AFG2A: variants seen among roughly 807,000 people sequenced by gnomAD.
AFG2A encodes ATPase family gene 2 protein homolog A.
chr4:123,190,662 T>G, the AFG2A span, among the ~76,000 whole-genome samples: 1 of 152,246 alleles, frequency 6.6e-6, no homozygotes, highest in East Asian at 1.9e-4. Flanking sequence ...AAGAATTGAC[T>G]AAGACAGAAG....
At chr4:123,169,460 C>T in the AFG2A span, among the ~76,000 whole-genome samples, 3 of 152,192 alleles carry the variant, frequency 2.0e-5, no homozygotes, top group East Asian at 1.9e-4. Context: ...CCTGGCTATG[C>T]GCATTGTTCT....
the AFG2A span, chr4:123,256,141 T>C: frequency 6.2e-7 from 1 of 1,614,110 alleles, no homozygotes; most frequent in Non-Finnish European, 8.5e-7. Context: ...TTGACCTGGA[T>C]GAACTCATCC....
chr4:123,155,497 A>C, the AFG2A span, among the ~76,000 whole-genome samples: 1 of 152,076 alleles, frequency 6.6e-6, no homozygotes, highest in Non-Finnish European at 1.5e-5. Context: ...ATTTTTTAGT[A>C]TATGCAATTG....
chr4:123,178,949 A>C, the AFG2A span, among the ~76,000 whole-genome samples: 1 of 152,184 alleles, frequency 6.6e-6, no homozygotes, highest in Admixed American at 6.5e-5. Flanking sequence ...TAAAAAGGTT[A>C]TTGAAAGGTA....
At chr4:123,204,535 AC>A in the AFG2A span, among the ~76,000 whole-genome samples, 1 of 152,190 alleles carries the variant, frequency 6.6e-6, no homozygotes, top group Non-Finnish European at 1.5e-5. Context: ...TGACTTTTGC[AC>A]ATTTTCCTTT....
At chr4:123,211,442 T>A in the AFG2A span, among the ~76,000 whole-genome samples, 1 of 152,076 alleles carries the variant, frequency 6.6e-6, no homozygotes, top group Admixed American at 6.6e-5. Context: ...GAAATCAGTA[T>A]CGGAGAGCAC....
chr4:122,985,105 T>G, the AFG2A span, among the ~76,000 whole-genome samples: 1 of 151,850 alleles, frequency 6.6e-6, no homozygotes, highest in Non-Finnish European at 1.5e-5. Context: ...GACTTCTTTT[T>G]GTTGGAAAAT....
At chr4:123,216,364 T>C in the AFG2A span, among the ~76,000 whole-genome samples, 1 of 152,166 alleles carries the variant, frequency 6.6e-6, no homozygotes, top group Non-Finnish European at 1.5e-5. Context: ...ATAAATTCTA[T>C]TTTTAAAACT....
the AFG2A span, among the ~76,000 whole-genome samples, chr4:123,174,316 C>T: frequency 1.3e-5 from 2 of 152,138 alleles, no homozygotes; most frequent in South Asian, 2.1e-4. Flanking sequence ...TACTAAAGGA[C>T]GTAAATGAAA....
At chr4:123,003,212 T>A in the AFG2A span, among the ~76,000 whole-genome samples, 1 of 152,162 alleles carries the variant, frequency 6.6e-6, no homozygotes, top group African/African-American at 2.4e-5. Flanking sequence ...TCGTCTAAAG[T>A]TTTTTCAAAG....
the AFG2A span, among the ~76,000 whole-genome samples, chr4:123,016,316 C>T: frequency 6.6e-6 from 1 of 151,530 alleles, no homozygotes; most frequent in Non-Finnish European, 1.5e-5. Flanking sequence ...ACGCCCCTCA[C>T]TTCCTAGACG....
At chr4:123,154,341 A>C in the AFG2A span, among the ~76,000 whole-genome samples, 2 of 152,180 alleles carry the variant, frequency 1.3e-5, no homozygotes, top group African/African-American at 4.8e-5. Flanking sequence ...ATTGCCACAG[A>C]TGACAAGAGA....
the AFG2A span, among the ~76,000 whole-genome samples, chr4:123,012,241 G>A: frequency 7.0e-6 from 1 of 142,008 alleles, no homozygotes; most frequent in East Asian, 2.2e-4. Context: ...GGAGGTGCTT[G>A]CCCCCCAGGA....
chr4:123,229,122 A>G, the AFG2A span, among the ~76,000 whole-genome samples: 1 of 152,006 alleles, frequency 6.6e-6, no homozygotes, highest in African/African-American at 2.4e-5. Context: ...ATTTATGTTC[A>G]ATAATTTTAA....
chr4:123,131,877 A>T, the AFG2A span, among the ~76,000 whole-genome samples: 3 of 69,020 alleles, frequency 4.3e-5, no homozygotes, highest in South Asian at 3.6e-4. Context: ...TTCTATTTTT[A>T]ATGTTTTGAA....
At chr4:123,156,976 A>G in the AFG2A span, among the ~76,000 whole-genome samples, 1 of 151,798 alleles carries the variant, frequency 6.6e-6, no homozygotes, top group Non-Finnish European at 1.5e-5. Context: ...ATGGGGTGAG[A>G]CGCAAATTTG....
the AFG2A span, among the ~76,000 whole-genome samples, chr4:123,204,975 A>G: frequency 6.6e-6 from 1 of 152,116 alleles, no homozygotes; most frequent in South Asian, 2.1e-4. Context: ...TCCCCTCCTC[A>G]CTGGAGAGTG....
the AFG2A span, among the ~76,000 whole-genome samples, chr4:123,264,282 G>T: frequency 6.6e-6 from 1 of 152,070 alleles, no homozygotes; most frequent in Admixed American, 6.6e-5. Flanking sequence ...GGTGATGAGT[G>T]CACCAAAATC....
chr4:123,163,397 G>A, the AFG2A span, among the ~76,000 whole-genome samples: 1 of 152,260 alleles, frequency 6.6e-6, no homozygotes, highest in African/African-American at 2.4e-5. Context: ...AGCTGAGATT[G>A]CACGGCTGCA....
Sources: gnomAD v4.1 joint callset for allele counts (sites outside exome capture counted in the v4.1 genomes callset) on GRCh38, gnomAD v4.1.1 for gene constraint, MANE v1.5 for transcripts, NCBI Gene and HGNC (gene_info 2026-07-23, HGNC 2026-07-21) for gene names.